Variants in ANTXR2 observed in about 807,000 individuals in gnomAD.
The protein encoded by ANTXR2 is anthrax toxin receptor 2.
Under a neutral mutation model 73.7 loss-of-function variants are expected in ANTXR2, and 44 were observed. That is an observed-to-expected ratio of 0.60 (90% CI 0.47 to 0.77). The LOEUF (loss-of-function observed/expected upper bound fraction) is 0.77, where lower values mean the gene tolerates loss of function less well. Ranked by LOEUF, ANTXR2 falls within the 30% of genes least tolerant of loss-of-function variation. The pLI is 0.00. For synonymous variants in ANTXR2, 217 were observed against 205.9 expected (o/e 1.05, Z -0.46); for missense variants, 604 against 592.5 (o/e 1.02, Z -0.20).
chr4:79,961,158 T>A (rs1161327948), intron 16 of ANTXR2, among the ~76,000 whole-genome samples: 1 of 152,046 alleles, frequency 6.6e-6, no homozygotes. Flanking sequence ...AAAATGAGTA[T>A]TTAACACATG....
At chr4:80,027,245 A>G (rs1189198175) in intron 10 of ANTXR2, among the ~76,000 whole-genome samples, 1 of 152,212 alleles carries the variant, frequency 6.6e-6, no homozygotes, top group Non-Finnish European at 1.5e-5. Context: ...TACAGATAGA[A>G]GTATACTTTT....
At chr4:79,982,869 G>T (rs1418566008) in intron 14 of ANTXR2, among the ~76,000 whole-genome samples, 1 of 152,116 alleles carries the variant, frequency 6.6e-6, no homozygotes, top group Non-Finnish European at 1.5e-5. Context: ...CTTTGCTAAT[G>T]ACAACCATGT....
chr4:80,039,219 A>G (rs1022348523), intron 7 of ANTXR2, among the ~76,000 whole-genome samples: 6 of 150,744 alleles, frequency 4.0e-5, no homozygotes, highest in Non-Finnish European at 8.8e-5. Flanking sequence ...CAAATGAAAA[A>G]TAGAGAGGAG....
intron 16 of ANTXR2, among the ~76,000 whole-genome samples, chr4:79,933,953 T>C (rs1277421322): frequency 3.3e-5 from 5 of 152,028 alleles, no homozygotes; most frequent in Non-Finnish European, 4.4e-5. Context: ...TTAGGGAAGA[T>C]GGTCTCGATC....
At chr4:79,926,699 CT>C (rs1264632060) in intron 16 of ANTXR2, among the ~76,000 whole-genome samples, 2 of 152,032 alleles carry the variant, frequency 1.3e-5, no homozygotes, top group African/African-American at 4.8e-5. Flanking sequence ...TTATCTAAGT[CT>C]TTTCTCTTTG....
intron 7 of ANTXR2, among the ~76,000 whole-genome samples, chr4:80,047,333 T>A (rs1733565573): frequency 6.6e-6 from 1 of 151,802 alleles, no homozygotes; most frequent in Non-Finnish European, 1.5e-5. Context: ...TTTCTATGTT[T>A]ATTATCAAGT....
chr4:80,009,411 G>T, intron 11 of ANTXR2, among the ~76,000 whole-genome samples: 1 of 152,094 alleles, frequency 6.6e-6, no homozygotes, highest in African/African-American at 2.4e-5. Flanking sequence ...TTAATCTTTA[G>T]TACTTATCAC....
intron 7 of ANTXR2, among the ~76,000 whole-genome samples, chr4:80,041,394 G>A (rs1027571588): frequency 5.3e-5 from 8 of 151,822 alleles, no homozygotes; most frequent in East Asian, 1.9e-4. Flanking sequence ...CCTTATCCTC[G>A]AAAGTATATC....
At chr4:80,045,565 T>G (rs1247966627) in intron 7 of ANTXR2, among the ~76,000 whole-genome samples, 1 of 147,408 alleles carries the variant, frequency 6.8e-6, no homozygotes, top group Non-Finnish European at 1.5e-5. Flanking sequence ...GGTAGTAGAG[T>G]CTAAAAAAGC....
At chr4:80,021,572 G>C (rs886178940) in intron 10 of ANTXR2, among the ~76,000 whole-genome samples, 2 of 152,158 alleles carry the variant, frequency 1.3e-5, no homozygotes, top group Non-Finnish European at 2.9e-5. Flanking sequence ...CACCAGAAAC[G>C]AACAAGTTCT....
chr4:79,957,703 G>T (rs1408756536), intron 16 of ANTXR2, among the ~76,000 whole-genome samples: 4 of 151,936 alleles, frequency 2.6e-5, no homozygotes, highest in Non-Finnish European at 5.9e-5. Context: ...GTTTTTTAAA[G>T]ATTTCCCCTT....
intron 16 of ANTXR2, among the ~76,000 whole-genome samples, chr4:79,947,098 G>A (rs1176677250): frequency 2.6e-5 from 4 of 152,070 alleles, no homozygotes; most frequent in South Asian, 2.1e-4. Flanking sequence ...TCAGTCAGAC[G>A]AAGCTGTTTT....
chr4:79,985,345 GTC>G (rs1730093707), intron 12 of ANTXR2, among the ~76,000 whole-genome samples: 5 of 147,410 alleles, frequency 3.4e-5, no homozygotes, highest in Admixed American at 2.7e-4. Context: ...GAGAGACTCT[GTC>G]TCAAAAAAAA....
At chr4:79,925,095 T>C (rs1727732348) in intron 16 of ANTXR2, among the ~76,000 whole-genome samples, 1 of 152,110 alleles carries the variant, frequency 6.6e-6, no homozygotes, top group Non-Finnish European at 1.5e-5. Context: ...CACCAATCTT[T>C]TGAACTTAGA....
chr4:80,069,170 G>A (rs1016369984), intron 3 of ANTXR2, among the ~76,000 whole-genome samples: 4 of 151,376 alleles, frequency 2.6e-5, no homozygotes, highest in South Asian at 2.1e-4. Flanking sequence ...CAGAGAGGCC[G>A]GGGAAGGTAG....
rs1247923744 is a variant in ANTXR2, at chr4:80,018,978, T to C, written c.867-2A>G. 2 of 1,471,394 alleles carry C rather than the reference T, an allele frequency of 1.4e-6. No homozygotes were observed. Among genetic ancestry groups the C allele is most frequent in the Non-Finnish European group, 1.8e-6 (2 of 1,114,316 alleles). 91.1% of individuals were successfully genotyped at this position (1,471,394 alleles called of 1,614,324 possible). A position where few individuals can be genotyped will look rare whatever the true frequency, so the allele number is the denominator to read the frequency against. On this transcript the variant is annotated splice_acceptor_variant, in intron 10 of 16. Coordinates refer to ENST00000403729, the MANE Select transcript of ANTXR2 (RefSeq NM_058172.6). LOFTEE classifies it high-confidence loss of function. The stretch of plus-strand genomic sequence containing the variant: ...AAGCTCACTGAAACATCAAGAGTTC[T>C]GAAAAAGAAAAGAAACAATAATTTT...
At chr4:79,929,281 A>G (rs1283610834) in intron 16 of ANTXR2, among the ~76,000 whole-genome samples, 2 of 152,182 alleles carry the variant, frequency 1.3e-5, no homozygotes, top group Non-Finnish European at 2.9e-5. Flanking sequence ...TTGGGAGGAC[A>G]AGGCGGGTGA....
At chr4:80,017,731 T>C (rs953955810) in intron 11 of ANTXR2, among the ~76,000 whole-genome samples, 1 of 152,072 alleles carries the variant, frequency 6.6e-6, no homozygotes, top group African/African-American at 2.4e-5. Context: ...ACTGAGAAAC[T>C]ACAAACCACA....
intron 16 of ANTXR2, among the ~76,000 whole-genome samples, chr4:79,910,653 G>A (rs1435641954): frequency 6.6e-6 from 1 of 151,908 alleles, no homozygotes; most frequent in Non-Finnish European, 1.5e-5. Context: ...TTAGGAACAA[G>A]TGAATGGATG....
Sources: gnomAD v4.1 joint callset for allele counts (sites outside exome capture counted in the v4.1 genomes callset) on GRCh38, gnomAD v4.1.1 for gene constraint, MANE v1.5 for transcripts, NCBI Gene and HGNC (gene_info 2026-07-23, HGNC 2026-07-21) for gene names.